ETAA1: variants seen among roughly 807,000 people sequenced by gnomAD.
ETAA1 encodes ewing's tumor-associated antigen 1.
Under a neutral mutation model 76.8 loss-of-function variants are expected in ETAA1, and 49 were observed. The ratio of observed to expected loss-of-function variants is 0.64; its 90% CI spans 0.51 to 0.81. The LOEUF (loss-of-function observed/expected upper bound fraction) is 0.81. Ranked by LOEUF, ETAA1 falls within the 30% of genes least tolerant of loss-of-function variation. The probability of loss-of-function intolerance (pLI) is 0.00; values close to 1 mark genes in which losing one functional copy is unlikely to be tolerated. For missense variants in ETAA1, 1,099 were observed against 1,074.0 expected (o/e 1.02, Z -0.32); for synonymous variants, 373 against 372.2 (o/e 1.00, Z -0.03).
chr2:67,401,434 A>G (rs538315524), intron 3 of ETAA1: 9 of 151,992 alleles, frequency 5.9e-5, no homozygotes, highest in African/African-American at 2.2e-4. Context: ...ATACTTTTAT[A>G]CAATGTTGTT....
intron 3 of ETAA1, chr2:67,401,635 A>G (rs1676059512): frequency 6.6e-6 from 1 of 151,932 alleles, no homozygotes; most frequent in African/African-American, 2.4e-5. Flanking sequence ...CATAGGACCC[A>G]TGTATATGTA....
In ETAA1 at chr2:67,410,023, C is replaced by G; in HGVS notation, c.2766C>G (p.Pro922=). ...KARASSVNAA[P]TSFL is the part of the protein sequence containing the mutation. The stretch of plus-strand genomic sequence containing the variant: ...GAGCCTCATCTGTAAATGCAGCTCC[C>G]ACTTCATTTCTTTAATGAAATATTA... Residue 922 remains proline (P), a synonymous_variant, in exon 6 of 6, where the codon CCC becomes CCG. Transcript: ENST00000272342. 1 of 1,603,276 alleles carries G rather than the reference C, an allele frequency of 6.2e-7. No homozygotes were observed. The highest frequency in any genetic ancestry group is 8.5e-7 in the Non-Finnish European group (1 of 1,176,750).
chr2:67,404,944 T>TA lies in ETAA1; in HGVS notation c.2263dup (p.Thr755AsnfsTer2). ...AGATAAATAATCTGCATGTGTCTTA[T>TA]ACTAACACTGATGTTCCAATACAAG... is the stretch of plus-strand genomic sequence containing the variant. On this transcript the variant is annotated frameshift_variant, in exon 5 of 6. Coordinates refer to ENST00000272342, the MANE Select transcript of ETAA1 (RefSeq NM_019002.4). LOFTEE classifies it high-confidence loss of function. 6.2e-7 allele frequency: 1 copy of TA among 1,613,088 alleles called. No homozygotes were observed. Among genetic ancestry groups the TA allele is most frequent in the Non-Finnish European group, 8.5e-7 (1 of 1,179,414 alleles).
At chr2:67,402,806 A>C in intron 3 of ETAA1, 56 bp from the exon 4 acceptor site, 1 of 1,111,056 alleles carries the variant, frequency 9.0e-7, no homozygotes, top group South Asian at 2.0e-5. Context: ...TTTTTTTGGA[A>C]GACGGGGGAT....
At position 67,399,586 on chromosome 2, in the gene ETAA1, G is replaced by A. The variant is rs367559075; in HGVS notation, c.389G>A (p.Ser130Asn). 186 of 1,608,550 alleles carry A rather than the reference G, an allele frequency of 1.2e-4. No individual in the cohort carries two copies. Among genetic ancestry groups the A allele is most frequent in the Non-Finnish European group, 1.5e-4 (179 of 1,176,424 alleles). The change falls in exon 3 of 6, where the codon AGT (serine) becomes AAT (asparagine). Residue 130 changes from serine (S) to asparagine (N), a missense_variant. Ser to Asn is a conservative substitution (Grantham distance 46). This residue lies in a region of ETAA1 where 761 missense variants were observed against 731.9 expected (regional missense o/e 1.04). Transcript: ENST00000272342. ...AAAAAACAGATTTACACCACAGATA[G>A]TGATGAGATTTCACATATTGTTAAT... ...GRKKQIYTTD[S>N]DEISHIVNRI...
rs559339464 is a variant in ETAA1 at position 67,403,417 on chromosome 2, C to G, written c.735C>G (p.Pro245=). 1 of 1,609,906 alleles carries G rather than the reference C, an allele frequency of 6.2e-7. No individual in the cohort carries two copies. Among genetic ancestry groups the G allele is most frequent in the Admixed American group, 1.7e-5 (1 of 59,776 alleles). ...IQMWSLHNIV[P]EIDNATKKPI... ...TGTGGTCATTACATAATATAGTTCC[C>G]GAAATAGATAATGCTACAAAAAAGC... Residue 245 remains proline, a synonymous_variant, in exon 5 of 6, where the codon CCC becomes CCG. Coordinates refer to ENST00000272342, the MANE Select transcript of ETAA1 (RefSeq NM_019002.4).
rs1676151360 is a variant in ETAA1 at position 67,404,626 on chromosome 2, A to G, written c.1944A>G (p.Lys648=). 6.2e-7 allele frequency: 1 copy of G among 1,613,386 alleles called. No individual in the cohort carries two copies. Residue 648 remains lysine, a synonymous_variant, in exon 5 of 6, where the codon AAA becomes AAG. Transcript: ENST00000272342. The stretch of plus-strand genomic sequence containing the variant: ...ATAATAATTCCGAACATGGAGCCAA[A>G]CTAACTCAGCAACAAGACATTAGAA... ...EINNNSEHGA[K]LTQQQDIRKD... is the part of the protein sequence containing the mutation.
Position 67,405,083 on chromosome 2 carries a change from C to G in ETAA1, c.2401C>G (p.His801Asp), listed in dbSNP as rs749057703. 6.2e-7 allele frequency: 1 copy of G among 1,612,478 alleles called. No homozygotes were observed. The highest frequency in any genetic ancestry group is 8.5e-7 in the Non-Finnish European group (1 of 1,179,156). ...KKKLSTNQPCHKTVTDEAQSN... is the reference protein window; with the variant it reads ...KKKLSTNQPCDKTVTDEAQSN... ...GAAATTGAGTACTAATCAGCCATGC[C>G]ATAAGACTGTAACAGATGAAGCTCA... Residue 801 changes from histidine to aspartate, a missense_variant, in exon 5 of 6, where the codon CAT becomes GAT. By Grantham distance (81) the His-to-Asp change is moderately conservative (BLOSUM62 -1). This residue lies in a region of ETAA1 where 302 missense variants were observed against 278.1 expected (regional missense o/e 1.09). Coordinates refer to ENST00000272342, the MANE Select transcript of ETAA1 (RefSeq NM_019002.4).
At position 67,397,415 on chromosome 2, in the gene ETAA1, A is replaced by G. The variant is rs772276423; in HGVS notation, c.-34A>G. 1.2e-5 allele frequency: 19 copies of G among 1,560,154 alleles called. No homozygotes were observed. Among genetic ancestry groups the G allele is most frequent in the Admixed American group, 3.8e-5 (2 of 52,298 alleles). ...TACTCATCCCTTTGCAAAATGTGAA[A>G]GAAGAAGCGGCTGGTGGAGGCGGGC... On this transcript the variant is annotated 5_prime_UTR_variant, in exon 1 of 6. Transcript: ENST00000272342.
rs780309329 is a variant in ETAA1, at chr2:67,404,863, T to TC, written c.2183dup (p.Arg729LysfsTer13). 3 of 1,613,014 alleles carry TC rather than the reference T, an allele frequency of 1.9e-6. No individual in the cohort carries two copies. The highest frequency in any genetic ancestry group is 2.5e-6 in the Non-Finnish European group (3 of 1,179,344). On this transcript the variant is annotated frameshift_variant, in exon 5 of 6. Coordinates refer to ENST00000272342, the MANE Select transcript of ETAA1 (RefSeq NM_019002.4). LOFTEE classifies it high-confidence loss of function. ...AGAAAGGGGAAATGTATGGAAATTC[T>TC]CCAAGATTTTTAGGTGCCACAAATT...
In ETAA1 at chr2:67,399,263, T is replaced by A; in HGVS notation, c.318T>A (p.Phe106Leu). 1 of 1,613,318 alleles carries A rather than the reference T, an allele frequency of 6.2e-7. No homozygotes were observed. The highest frequency in any genetic ancestry group is 8.5e-7 in the Non-Finnish European group (1 of 1,179,554). Residue 106 changes from phenylalanine (F) to leucine (L), a missense_variant, in exon 2 of 6, where the codon TTT becomes TTA. Transcript: ENST00000272342. The stretch of plus-strand genomic sequence containing the variant: ...ATCCAGATGGACAGAATGATATCTT[T>A]TGGGATCAGAATTCTCCATTGACAA... ...PNDPDGQNDI[F>L]WDQNSPLTKQ...
intron 3 of ETAA1, 88 bp from the exon 4 acceptor site, chr2:67,402,774 A>G: frequency 2.5e-6 from 2 of 813,276 alleles, no homozygotes; most frequent in South Asian, 5.7e-5. Context: ...ATTAGTTTTT[A>G]TTGTCTTTTT....
intron 1 of ETAA1, among the ~76,000 whole-genome samples, chr2:67,398,656 A>G (rs899961985): frequency 6.6e-6 from 1 of 152,140 alleles, no homozygotes; most frequent in Non-Finnish European, 1.5e-5. Flanking sequence ...TAATACTCCT[A>G]TAAAGCAATT....
intron 4 of ETAA1, 53 bp downstream of exon 4, chr2:67,403,027 G>T: frequency 6.9e-7 from 1 of 1,456,824 alleles, no homozygotes; most frequent in South Asian, 1.3e-5. Flanking sequence ...AATATTTTTT[G>T]ATAATACTCC....
Position 67,403,394 on chromosome 2 carries a change from T to C in ETAA1, c.712T>C (p.Trp238Arg). 4 of 1,605,718 alleles carry C rather than the reference T, an allele frequency of 2.5e-6. No individual in the cohort carries two copies. Among genetic ancestry groups the C allele is most frequent in the Non-Finnish European group, 3.4e-6 (4 of 1,173,196 alleles). ...LSNYKDNIQM[W>R]SLHNIVPEID... ...TAATTATAAAGATAATATACAGATG[T>C]GGTCATTACATAATATAGTTCCCGA... Residue 238 changes from tryptophan to arginine, a missense_variant, in exon 5 of 6, where the codon TGG becomes CGG. Physicochemically the swap from Trp to Arg is moderately radical, Grantham distance 101. Coordinates refer to ENST00000272342, the MANE Select transcript of ETAA1 (RefSeq NM_019002.4).
chr2:67,403,639 G>A lies in ETAA1; in HGVS notation c.957G>A (p.Leu319=), dbSNP rs751545298. The change falls in exon 5 of 6, where the codon TTG becomes TTA. Residue 319 remains leucine, a synonymous_variant. Transcript: ENST00000272342. ...SNTTFVKTNA[L]KEEKIITNET... is the part of the protein sequence containing the mutation. ...CTACCTTTGTAAAGACAAATGCTTT[G>A]AAAGAGGAGAAAATCATTACTAATG... The A allele has an allele frequency of 1.2e-6, 2 of 1,613,282 alleles. No homozygotes were observed. Among genetic ancestry groups the A allele is most frequent in the African/African-American group, 2.7e-5 (2 of 74,980 alleles).
intron 5 of ETAA1, among the ~76,000 whole-genome samples, chr2:67,406,819 A>G (rs1676233939): frequency 6.6e-6 from 1 of 152,042 alleles, no homozygotes; most frequent in Non-Finnish European, 1.5e-5. Flanking sequence ...TTTTGCCTTA[A>G]TATATTATAG....
At position 67,397,408 on chromosome 2, in the gene ETAA1, A is replaced by G; in HGVS notation, c.-41A>G. The G allele has an allele frequency of 6.4e-7, 1 of 1,551,950 alleles. No individual in the cohort carries two copies. The highest frequency in any genetic ancestry group is 8.7e-7 in the Non-Finnish European group (1 of 1,145,580). ...GTTGCCCTACTCATCCCTTTGCAAA[A>G]TGTGAAAGAAGAAGCGGCTGGTGGA... On this transcript the variant is annotated 5_prime_UTR_variant, in exon 1 of 6. The change abolishes an upstream ATG in the 5' untranslated region. Transcript: ENST00000272342.
At chr2:67,401,632 C>T (rs1676059196) in intron 3 of ETAA1, 1 of 151,540 alleles carries the variant, frequency 6.6e-6, no homozygotes, top group Non-Finnish European at 1.5e-5. Flanking sequence ...ATACATAGGA[C>T]CCATGTATAT....
Sources: gnomAD v4.1 joint callset for allele counts (sites outside exome capture counted in the v4.1 genomes callset) on GRCh38, gnomAD v4.1.1 for gene constraint, gnomAD v4.1.1 regional missense constraint, MANE v1.5 for transcripts, NCBI Gene and HGNC (gene_info 2026-07-23, HGNC 2026-07-21) for gene names.